The following ZSWIM6 variants were observed in gnomAD, a reference collection of about 807,000 sequenced individuals.
The protein encoded by ZSWIM6 is zinc finger SWIM domain-containing protein 6.
ZSWIM6 carries 9 observed loss-of-function variants against 113.2 expected under a neutral mutation model. That is an observed-to-expected ratio of 0.08 (90% CI 0.05 to 0.14). The LOEUF (loss-of-function observed/expected upper bound fraction) is 0.14, where lower values mean the gene tolerates loss of function less well. ZSWIM6 is among the 10% of genes least tolerant of loss of function. The probability of loss-of-function intolerance (pLI) is 1.00; values close to 1 mark genes in which losing one functional copy is unlikely to be tolerated. For missense variants in ZSWIM6, 1,162 were observed against 1,552.2 expected (o/e 0.75, Z 4.22); for synonymous variants, 611 against 606.5 (o/e 1.01, Z -0.11).
chr5:61,375,459 C>T, intron 1 of ZSWIM6: 1 of 1,539,970 alleles, frequency 6.5e-7, no homozygotes, highest in Non-Finnish European at 8.8e-7. Context: ...ATTCTTCCAG[C>T]AGTTCTTCTG....
chr5:61,333,455 G>A (rs1744313538), intron 1 of ZSWIM6, among the ~76,000 whole-genome samples: 1 of 151,720 alleles, frequency 6.6e-6, no homozygotes, highest in Non-Finnish European at 1.5e-5. Context: ...TCTGGCCCCC[G>A]CCCCACGCGA....
At chr5:61,462,146 A>G (rs1747335042) in intron 1 of ZSWIM6, among the ~76,000 whole-genome samples, 1 of 152,228 alleles carries the variant, frequency 6.6e-6, no homozygotes, top group Non-Finnish European at 1.5e-5. Context: ...GCTATAAATT[A>G]GTGAAGATGA....
At chr5:61,482,942 A>T (rs1486156533) in intron 2 of ZSWIM6, among the ~76,000 whole-genome samples, 1 of 151,786 alleles carries the variant, frequency 6.6e-6, no homozygotes, top group African/African-American at 2.4e-5. Context: ...CCTCTTGCCC[A>T]GTACTATCAA....
At chr5:61,538,788 C>T (rs1344661245) in intron 10 of ZSWIM6, 26 bp from the exon 11 acceptor site, 21 of 1,534,754 alleles carry the variant, frequency 1.4e-5, no homozygotes, top group East Asian at 2.5e-5. Context: ...TAACTAGGGG[C>T]CACCTTCCTT....
chr5:61,373,645 T>C (rs138590909), intron 1 of ZSWIM6, among the ~76,000 whole-genome samples: 57 of 152,276 alleles, frequency 3.7e-4, no homozygotes, highest in African/African-American at 1.3e-3. Flanking sequence ...TCTTTAAAAA[T>C]CATCTAATGA....
intron 1 of ZSWIM6, among the ~76,000 whole-genome samples, chr5:61,444,189 C>T (rs879027934): frequency 6.8e-6 from 1 of 147,204 alleles, no homozygotes; most frequent in East Asian, 2.0e-4. Flanking sequence ...TGAGTGAGAA[C>T]ATGCAGTGTT....
At chr5:61,447,129 C>T (rs1235141937) in intron 1 of ZSWIM6, among the ~76,000 whole-genome samples, 1 of 152,070 alleles carries the variant, frequency 6.6e-6, no homozygotes, top group South Asian at 2.1e-4. Flanking sequence ...CTGCTTAGAA[C>T]AGCAGCGTGA....
rs1421046512 is a variant in ZSWIM6 at position 61,472,698 on chromosome 5, A to G, written c.694A>G (p.Thr232Ala). ...CCCTCAAGGTTTCCACTTGAGCGGC[A>G]CAGTGACAGAACCTGCAATACAATC... is the stretch of plus-strand genomic sequence containing the variant. The part of the protein sequence containing the change: ...VLQVGFHLSG[T>A]VTEPAIQSEP... Residue 232 changes from threonine to alanine, a missense_variant, in exon 2 of 14, where the codon ACA becomes GCA. Coordinates refer to ENST00000252744, the MANE Select transcript of ZSWIM6 (RefSeq NM_020928.2). This position sits in a 1 kb window ranked among gnomAD's most constrained non-coding sequence, Gnocchi z 4.1. 3.9e-6 allele frequency: 6 copies of G among 1,536,680 alleles called. No individual in the cohort carries two copies. Among genetic ancestry groups the G allele is most frequent in the Admixed American group, 4.0e-5 (2 of 50,184 alleles).
intron 4 of ZSWIM6, among the ~76,000 whole-genome samples, chr5:61,500,623 C>G: frequency 6.6e-6 from 1 of 152,056 alleles, no homozygotes; most frequent in East Asian, 1.9e-4. Context: ...TAATTTGTAC[C>G]CATGTTTACA....
chr5:61,428,196 AT>A (rs758785117), intron 1 of ZSWIM6, among the ~76,000 whole-genome samples: 8 of 152,190 alleles, frequency 5.3e-5, no homozygotes, highest in Non-Finnish European at 1.0e-4. Context: ...CAAGAAAGAC[AT>A]TTGTTTTGAC....
In ZSWIM6 at chr5:61,516,180, G is replaced by A. The variant is rs558533458; in HGVS notation, c.1334-5083G>A. On this transcript the variant is annotated intron_variant, in intron 4 of 13. Coordinates refer to ENST00000252744, the MANE Select transcript of ZSWIM6 (RefSeq NM_020928.2). ...TTATATAATTATTGATGTGGTTGTT[G>A]AATTTAGGTCTACCATTTAATCATT... Among the ~76,000 whole-genome samples, 10 of 151,338 alleles carry A rather than the reference G, an allele frequency of 6.6e-5. No individual in the cohort carries two copies. The East Asian group carries it at 1.9e-3, about 29-fold the overall frequency.
chr5:61,421,669 CCTT>C (rs1254367370), intron 1 of ZSWIM6, among the ~76,000 whole-genome samples: 1 of 152,080 alleles, frequency 6.6e-6, no homozygotes, highest in Non-Finnish European at 1.5e-5. Context: ...TCTGTTGTTC[CCTT>C]CTTTGTGTCC....
rs529187132 is a variant in ZSWIM6 at position 61,395,492 on chromosome 5, A to G, written c.676+62544A>G. 7.2e-5 allele frequency among the ~76,000 whole-genome samples: 11 copies of G among 152,344 alleles called. No homozygotes were observed. In the South Asian group the frequency reaches 1.9e-3, roughly 26 times the overall value. On this transcript the variant is annotated intron_variant, in intron 1 of 13. Coordinates refer to ENST00000252744, the MANE Select transcript of ZSWIM6 (RefSeq NM_020928.2). ...TCATGTTCGAATACTGAGTTAAGCA[A>G]TATCAGAGTTAAGATAAAAATCAAC...
chr5:61,351,133 C>A (rs1367653579), intron 1 of ZSWIM6, among the ~76,000 whole-genome samples: 1 of 152,172 alleles, frequency 6.6e-6, no homozygotes, highest in Non-Finnish European at 1.5e-5. Context: ...TGATCTAGTG[C>A]AGCTAAACAG....
intron 1 of ZSWIM6, among the ~76,000 whole-genome samples, chr5:61,404,157 G>C (rs1279413338): frequency 6.6e-6 from 1 of 152,044 alleles, no homozygotes; most frequent in African/African-American, 2.4e-5. Context: ...ACAGGCGCCT[G>C]CCACCACGCC....
chr5:61,420,468 A>C (rs897381294), intron 1 of ZSWIM6, among the ~76,000 whole-genome samples: 3 of 151,966 alleles, frequency 2.0e-5, no homozygotes, highest in Non-Finnish European at 4.4e-5. Context: ...AGAAGTTTCT[A>C]GTATTTTTTT....
chr5:61,475,010 A>G (rs1303816149), intron 2 of ZSWIM6, among the ~76,000 whole-genome samples: 1 of 152,182 alleles, frequency 6.6e-6, no homozygotes, highest in African/African-American at 2.4e-5. Flanking sequence ...CCAAAAGCAC[A>G]TGTATTCAAG....
chr5:61,531,603 G>C lies in ZSWIM6; in HGVS notation c.2123G>C (p.Gly708Ala), dbSNP rs1170500590. The C allele has an allele frequency of 6.4e-7, 1 of 1,551,676 alleles. No homozygotes were observed. ...GGACAGCAGCGTATCATGCCTGATG[G>C]GCTGTACACACAAGAGAAAGTTTGC... ...GLGQQRIMPDGLYTQEKVCRN... is the reference protein window; with the variant it reads ...GLGQQRIMPDALYTQEKVCRN... The change falls in exon 9 of 14, where the codon GGG (glycine) becomes GCG (alanine). Residue 708 changes from glycine (G) to alanine (A), a missense_variant. By Grantham distance (60) the Gly-to-Ala change is moderately conservative. Transcript: ENST00000252744.
intron 1 of ZSWIM6, among the ~76,000 whole-genome samples, chr5:61,455,394 A>G (rs1259815657): frequency 6.6e-6 from 1 of 152,204 alleles, no homozygotes; most frequent in Non-Finnish European, 1.5e-5. Context: ...AAATTCACCA[A>G]TATCCCCGCA....
Sources: allele counts gnomAD v4.1 joint callset (sites outside exome capture counted in the v4.1 genomes callset), GRCh38; gene constraint gnomAD v4.1.1; non-coding constraint Gnocchi (gnomAD v3.1); transcripts MANE v1.5; gene names NCBI Gene and HGNC (gene_info 2026-07-23, HGNC 2026-07-21).